The following NUP42 variants were observed in gnomAD, a reference collection of about 807,000 sequenced individuals.
The protein encoded by NUP42 is nucleoporin 42.
In NUP42, 47 loss-of-function variants were observed where a neutral mutation model predicts 35.9. The observed-to-expected ratio is 1.31, with a 90% confidence interval of 1.04 to 1.67. The LOEUF (loss-of-function observed/expected upper bound fraction) is 1.67. NUP42 is among the 40% of genes most tolerant of loss of function. The probability of loss-of-function intolerance (pLI) is 0.00; values close to 1 mark genes in which losing one functional copy is unlikely to be tolerated. For missense variants in NUP42, 514 were observed against 492.2 expected (o/e 1.04, Z -0.42); for synonymous variants, 173 against 173.3 (o/e 1.00, Z 0.01).
chr7:23,189,255 T>C (rs536912357), intron 3 of NUP42, among the ~76,000 whole-genome samples: 1 of 152,240 alleles, frequency 6.6e-6, no homozygotes, highest in Admixed American at 6.5e-5. Context: ...CGGAAAACTT[T>C]GTCATCGTGA....
In NUP42 at chr7:23,200,458, A is replaced by C; in HGVS notation, c.985A>C (p.Arg329=). The C allele has an allele frequency of 6.2e-7, 1 of 1,614,234 alleles. No homozygotes were observed. The highest frequency in any genetic ancestry group is 1.3e-5 in the African/African-American group (1 of 75,058). Residue 329 remains arginine, a synonymous_variant, in exon 7 of 7, where the codon AGA becomes CGA. Transcript: ENST00000258742. ...AGCTTCCTTGGCAACAGGTCCTGTC[A>C]GAGCTCCAGTGGCCCCAGCCTTTGG... The part of the protein sequence containing the change: ...LPASLATGPV[R]APVAPAFGGG...
rs781621474 is a variant in NUP42, at chr7:23,200,675, T to A, written c.1202T>A (p.Phe401Tyr). The change falls in exon 7 of 7, where the codon TTT becomes TAT. Residue 401 changes from phenylalanine (F) to tyrosine (Y), a missense_variant. Physicochemically the swap from Phe to Tyr is conservative, Grantham distance 22. Transcript: ENST00000258742. ...CTAACAGTAGAAGAACTGGAACAAT[T>A]TCAATCCAAGAAATTTACTCTGGGA... ...DKLTVEELEQ[F>Y]QSKKFTLGKI... 1.9e-6 allele frequency: 3 copies of A among 1,611,976 alleles called. No individual in the cohort carries two copies. In the South Asian group the frequency reaches 3.3e-5, roughly 18 times the overall value.
intron 3 of NUP42, chr7:23,194,647 C>T (rs1188297029): frequency 6.1e-6 from 1 of 163,476 alleles, no homozygotes; most frequent in South Asian, 1.3e-4. Context: ...AGGCGTGAGC[C>T]ACCGCGCCCG....
At chr7:23,190,197 T>G (rs1376851180) in intron 3 of NUP42, among the ~76,000 whole-genome samples, 1 of 152,224 alleles carries the variant, frequency 6.6e-6, no homozygotes, top group African/African-American at 2.4e-5. Flanking sequence ...CACAGTTATT[T>G]GAAAAAGCCA....
In NUP42 at chr7:23,182,181, G is replaced by A; in HGVS notation, c.96G>A (p.Arg32=). ...HPGARGAGGG[R]QQPQQQPSGN... ...GTGCTAGGGGTGCAGGAGGAGGACGGCAGCAACCGCAGCAGCAGCCTTCAG... is the reference window on the plus strand; with the variant it reads ...GTGCTAGGGGTGCAGGAGGAGGACGACAGCAACCGCAGCAGCAGCCTTCAG... Residue 32 remains arginine (R), a synonymous_variant, in exon 1 of 7, where the codon CGG becomes CGA. Transcript: ENST00000258742. The A allele has an allele frequency of 1.2e-6, 2 of 1,612,640 alleles. No homozygotes were observed. Among genetic ancestry groups the A allele is most frequent in the Non-Finnish European group, 8.5e-7 (1 of 1,179,346 alleles).
chr7:23,186,772 G>T (rs1218321249), intron 2 of NUP42, among the ~76,000 whole-genome samples: 1 of 151,946 alleles, frequency 6.6e-6, no homozygotes, highest in Non-Finnish European at 1.5e-5. Flanking sequence ...ATATGATATG[G>T]TTACATATCA....
intron 1 of NUP42, among the ~76,000 whole-genome samples, chr7:23,183,753 GT>G (rs1401276545): frequency 1.3e-5 from 1 of 75,040 alleles, no homozygotes. Flanking sequence ...CAAAAGCAAT[GT>G]AAAAAAAAAA....
rs1157482853 is a variant in NUP42, at chr7:23,197,426, C to G, written c.609+660C>G. 5 of 243,202 alleles carry G rather than the reference C, an allele frequency of 2.1e-5. No individual in the cohort carries two copies. The East Asian group carries it at 5.0e-4, about 24-fold the overall frequency. The allele number at this position is 243,202 out of a possible 1,614,324, so 15.1% of individuals were successfully genotyped here. A position where few individuals can be genotyped will look rare whatever the true frequency, so the allele number is the denominator to read the frequency against. On this transcript the variant is annotated intron_variant, in intron 5 of 6. Coordinates refer to ENST00000258742, the MANE Select transcript of NUP42 (RefSeq NM_007342.3). ...AGTGAATGGTTGACAGTCCCAACAC[C>G]CCACCCCTTTCTTAAATATGTGCTT... is the stretch of plus-strand genomic sequence containing the variant.
At chr7:23,197,641 T>G (rs1786058264) in intron 5 of NUP42, among the ~76,000 whole-genome samples, 1 of 152,104 alleles carries the variant, frequency 6.6e-6, no homozygotes, top group Non-Finnish European at 1.5e-5. Flanking sequence ...CCCTCAGGGC[T>G]GGAAGGTCCC....
At chr7:23,193,909 C>T (rs1785910211) in intron 3 of NUP42, among the ~76,000 whole-genome samples, 1 of 152,250 alleles carries the variant, frequency 6.6e-6, no homozygotes, top group African/African-American at 2.4e-5. Context: ...GGCAAGAAAT[C>T]CAGCGCAGCG....
At chr7:23,199,575 T>C (rs368811281) in intron 6 of NUP42, 33 bp downstream of exon 6, 47 of 1,543,110 alleles carry the variant, frequency 3.0e-5, no homozygotes, top group African/African-American at 6.8e-5. Context: ...ACTTCACTGA[T>C]TTAGAAAAAT....
rs858238 is a variant in NUP42, at chr7:23,199,514, C to T, written c.666C>T (p.Ser222=). Reference sequence around the variant, plus strand: ...CAGCACCTGCATTTGGATTTGGCAGCAGTCAAGCAGCAACATTTATGTCGC... The same window carrying T: ...CAGCACCTGCATTTGGATTTGGCAGTAGTCAAGCAGCAACATTTATGTCGC... ...NQAAPAFGFG[S]SQAATFMSPG... The change falls in exon 6 of 7, where the codon AGC becomes AGT. Residue 222 remains serine, a synonymous_variant. Coordinates refer to ENST00000258742, the MANE Select transcript of NUP42 (RefSeq NM_007342.3). 85,483 of 1,613,570 alleles carry T rather than the reference C, an allele frequency of 0.053. 3,443 individuals carry two copies. The highest frequency in any genetic ancestry group is 0.18 in the African/African-American group (13,384 of 74,920).
chr7:23,187,855 C>T (rs2128473007), intron 3 of NUP42, among the ~76,000 whole-genome samples: 1 of 152,122 alleles, frequency 6.6e-6, no homozygotes, highest in Non-Finnish European at 1.5e-5. Flanking sequence ...ATCCGCCCGC[C>T]ACAGGCTCCT....
At chr7:23,190,243 A>G (rs1785745381) in intron 3 of NUP42, among the ~76,000 whole-genome samples, 1 of 152,352 alleles carries the variant, frequency 6.6e-6, no homozygotes, top group African/African-American at 2.4e-5. Flanking sequence ...GTCTGTGTGA[A>G]TGCCCATTTT....
chr7:23,185,241 C>A lies in NUP42; in HGVS notation c.293C>A (p.Ser98Tyr). 6 of 1,614,100 alleles carry A rather than the reference C, an allele frequency of 3.7e-6. No homozygotes were observed. The highest frequency in any genetic ancestry group is 5.1e-6 in the Non-Finnish European group (6 of 1,180,018). The change falls in exon 2 of 7, where the codon TCT becomes TAT. Residue 98 changes from serine to tyrosine, a missense_variant. By Grantham distance (144) the Ser-to-Tyr change is moderately radical. Coordinates refer to ENST00000258742, the MANE Select transcript of NUP42 (RefSeq NM_007342.3). ...AACAGGAAGGAAGGCTTTGGATTGT[C>A]TGAGAACCCATTTGCTTCACTTAGT... Reference protein sequence around the residue: ...STNRKEGFGLSENPFASLSPD... With the variant: ...STNRKEGFGLYENPFASLSPD...
intron 5 of NUP42, among the ~76,000 whole-genome samples, chr7:23,197,599 A>C (rs1200742507): frequency 6.6e-6 from 1 of 152,214 alleles, no homozygotes; most frequent in East Asian, 1.9e-4. Flanking sequence ...TGATGGAGAA[A>C]GGATAACTGA....
intron 3 of NUP42, among the ~76,000 whole-genome samples, chr7:23,189,066 C>T (rs1425834922): frequency 1.3e-5 from 2 of 152,196 alleles, no homozygotes; most frequent in African/African-American, 4.8e-5. Flanking sequence ...GTGTCTGCCC[C>T]ATGCCCAAGT....
rs559000738 is a variant in NUP42 at position 23,182,064 on chromosome 7, C to T, written c.-22C>T. Reference sequence around the variant, plus strand: ...TCGAACGGTGCAGACTGAAGACGCCCTCCGTCAGCGACGCCGTCGCAATGG... The same window carrying T: ...TCGAACGGTGCAGACTGAAGACGCCTTCCGTCAGCGACGCCGTCGCAATGG... On this transcript the variant is annotated 5_prime_UTR_variant, in exon 1 of 7. Coordinates refer to ENST00000258742, the MANE Select transcript of NUP42 (RefSeq NM_007342.3). The T allele has an allele frequency of 5.6e-5, 91 of 1,612,886 alleles. No individual in the cohort carries two copies. The East Asian group carries it at 1.8e-3, about 32-fold the overall frequency.
At chr7:23,189,039 G>T (rs1297816901) in intron 3 of NUP42, among the ~76,000 whole-genome samples, 1 of 152,094 alleles carries the variant, frequency 6.6e-6, no homozygotes, top group East Asian at 1.9e-4. Context: ...TGACAAAATG[G>T]GAAGCACACA....
Sources: gnomAD v4.1 joint callset for allele counts (sites outside exome capture counted in the v4.1 genomes callset) on GRCh38, gnomAD v4.1.1 for gene constraint, MANE v1.5 for transcripts, NCBI Gene and HGNC (gene_info 2026-07-23, HGNC 2026-07-21) for gene names.